Variants in PTPRN2 observed in about 807,000 individuals in gnomAD.
PTPRN2 encodes the protein protein tyrosine phosphatase receptor type N2.
Under a neutral mutation model 118.8 loss-of-function variants are expected in PTPRN2, and 74 were observed. That is an observed-to-expected ratio of 0.62 (90% confidence interval 0.52 to 0.76). PTPRN2 has a LOEUF of 0.76. Among genes scored for constraint, PTPRN2 ranks in the 30% least tolerant of loss-of-function variants. PTPRN2 has a pLI of 0.00. For missense variants in PTPRN2, 1,481 were observed against 1,394.4 expected, an observed-to-expected ratio of 1.06 and a Z score of -0.99; for synonymous variants, 641 against 608.0, an observed-to-expected ratio of 1.05 and a Z score of -0.80.
At chr7:158,161,449 C>T (rs1254191589) in intron 6 of PTPRN2, among the ~76,000 whole-genome samples, 3 of 152,210 alleles carry the variant, frequency 2.0e-5, no homozygotes, top group East Asian at 1.9e-4. Flanking sequence ...TGAGGTCAGC[C>T]GAGCTTTGAA....
At chr7:157,643,867 G>C (rs1007465561) in intron 14 of PTPRN2, among the ~76,000 whole-genome samples, 2 of 152,204 alleles carry the variant, frequency 1.3e-5, no homozygotes, top group Non-Finnish European at 2.9e-5. Flanking sequence ...ACGGCAGTCC[G>C]GGCTGTGGCA....
intron 12 of PTPRN2, among the ~76,000 whole-genome samples, chr7:157,830,899 C>T (rs915360935): frequency 6.6e-6 from 1 of 152,180 alleles, no homozygotes; most frequent in African/African-American, 2.4e-5. Flanking sequence ...TCACTGCTTC[C>T]AGGCTGCACG....
chr7:158,576,474 C>T (rs1828323416), intron 1 of PTPRN2, among the ~76,000 whole-genome samples: 1 of 152,224 alleles, frequency 6.6e-6, no homozygotes, highest in Admixed American at 6.5e-5. Context: ...ACAGCCTGCA[C>T]CACCAGGGAC....
chr7:158,114,488 G>C (rs1035628267), intron 9 of PTPRN2, among the ~76,000 whole-genome samples: 1 of 152,192 alleles, frequency 6.6e-6, no homozygotes, highest in Non-Finnish European at 1.5e-5. Context: ...CAGTTGGGAG[G>C]GATGTGGAAG....
chr7:158,400,984 G>A (rs1812901519), intron 2 of PTPRN2, among the ~76,000 whole-genome samples: 1 of 151,936 alleles, frequency 6.6e-6, no homozygotes, highest in Non-Finnish European at 1.5e-5. Context: ...GAGCTTCCCC[G>A]ACTGCGGTGG....
At chr7:157,573,857 G>C (rs1234010986) in intron 19 of PTPRN2, among the ~76,000 whole-genome samples, 7 of 152,160 alleles carry the variant, frequency 4.6e-5, no homozygotes, top group Non-Finnish European at 1.0e-4. Flanking sequence ...TTTCATATCC[G>C]TACCAGCCCC....
At chr7:157,758,992 A>T (rs900245504) in intron 12 of PTPRN2, among the ~76,000 whole-genome samples, 4 of 152,236 alleles carry the variant, frequency 2.6e-5, no homozygotes, top group African/African-American at 7.2e-5. Flanking sequence ...ACCTAGGTTT[A>T]TGTCATACTT....
chr7:158,273,927 CAG>C (rs1491163612), intron 3 of PTPRN2, among the ~76,000 whole-genome samples: 8 of 137,752 alleles, frequency 5.8e-5, no homozygotes, highest in African/African-American at 2.0e-4. Context: ...GCCGCAGACA[CAG>C]GGGGAGCCGC....
chr7:158,504,390 C>T lies in PTPRN2; in HGVS notation c.113-14605G>A, dbSNP rs79216032. 6.1e-4 allele frequency among the ~76,000 whole-genome samples: 93 copies of T among 152,292 alleles called. 4 individuals are homozygous for T. In the East Asian group the frequency reaches 0.017, roughly 27 times the overall value. On this transcript the variant is annotated intron_variant, in intron 1 of 22. Transcript: ENST00000389418. ...GGTGCCCAGTCTGTGTCGTTCCCCC[C>T]CCATGTGTCCATGTGCTCCCGTCAT...
intron 6 of PTPRN2, among the ~76,000 whole-genome samples, chr7:158,165,962 C>T (rs1336764144): frequency 3.9e-5 from 6 of 152,038 alleles, no homozygotes; most frequent in South Asian, 4.2e-4. Context: ...CAGGGGGCTT[C>T]GGAGGATGTG....
intron 12 of PTPRN2, chr7:157,854,875 G>A (rs1464807894): frequency 5.9e-6 from 1 of 169,644 alleles, no homozygotes; most frequent in Non-Finnish European, 1.3e-5. Context: ...CCCTGAGAAA[G>A]GTATGCATCG....
chr7:158,052,966 T>A (rs927964475), intron 11 of PTPRN2, among the ~76,000 whole-genome samples: 2 of 152,160 alleles, frequency 1.3e-5, no homozygotes, highest in South Asian at 4.1e-4. Flanking sequence ...CGGGGGCTCC[T>A]GCTGGGGTCT....
rs1292253111 is a variant in PTPRN2, at chr7:157,964,173, G to A, written c.1724-65436C>T. ...GGCACACCATGGGGACAGCTGGGTG[G>A]GGTAGTGTTGAGTTCTGGTCCTGGT... On this transcript the variant is annotated intron_variant, in intron 11 of 22. Coordinates refer to ENST00000389418, the MANE Select transcript of PTPRN2 (RefSeq NM_002847.5). This position sits in a 1 kb window ranked among gnomAD's most constrained non-coding sequence, Gnocchi z 9.0. 6.6e-6 allele frequency among the ~76,000 whole-genome samples: 1 copy of A among 152,142 alleles called. No homozygotes were observed. Among genetic ancestry groups the A allele is most frequent in the Non-Finnish European group, 1.5e-5 (1 of 68,024 alleles).
intron 5 of PTPRN2, among the ~76,000 whole-genome samples, chr7:158,190,475 G>A (rs1430841244): frequency 1.3e-5 from 2 of 152,226 alleles, no homozygotes; most frequent in African/African-American, 2.4e-5. Flanking sequence ...GAAGGCTTTG[G>A]GGCATGTTTT....
At chr7:157,553,635 A>G (rs1266838204) in intron 21 of PTPRN2, among the ~76,000 whole-genome samples, 1 of 152,234 alleles carries the variant, frequency 6.6e-6, no homozygotes, top group East Asian at 1.9e-4. Context: ...GGGCGGAAAT[A>G]CAAAATGACA....
intron 2 of PTPRN2, among the ~76,000 whole-genome samples, chr7:158,410,833 G>T (rs553143079): frequency 6.6e-6 from 1 of 151,904 alleles, no homozygotes; most frequent in Non-Finnish European, 1.5e-5. Flanking sequence ...GTGGAGTCAC[G>T]GGTGGGAGGC....
At chr7:157,710,400 G>C (rs1354619396) in intron 12 of PTPRN2, among the ~76,000 whole-genome samples, 2 of 152,108 alleles carry the variant, frequency 1.3e-5, no homozygotes, top group African/African-American at 4.8e-5. Flanking sequence ...CTTGGGCCTA[G>C]AGTTTCAGAC....
At chr7:157,688,619 C>T (rs530821422) in intron 12 of PTPRN2, among the ~76,000 whole-genome samples, 1 of 152,338 alleles carries the variant, frequency 6.6e-6, no homozygotes, top group Admixed American at 6.5e-5. Flanking sequence ...AGGTGCTTCT[C>T]GGGACGGGGC....
At chr7:158,584,330 G>T (rs918187941) in intron 1 of PTPRN2, among the ~76,000 whole-genome samples, 1 of 152,188 alleles carries the variant, frequency 6.6e-6, no homozygotes, top group African/African-American at 2.4e-5. Flanking sequence ...AAGGGCTTAT[G>T]TTCAAGTTAA....
Sources: allele counts gnomAD v4.1 joint callset (sites outside exome capture counted in the v4.1 genomes callset), GRCh38; gene constraint gnomAD v4.1.1; non-coding constraint Gnocchi (gnomAD v3.1); transcripts MANE v1.5; gene names NCBI Gene and HGNC (gene_info 2026-07-23, HGNC 2026-07-21).